Variants in RIMS2 observed in about 807,000 individuals in gnomAD.
RIMS2 encodes the protein regulating synaptic membrane exocytosis protein 2.
Under a neutral mutation model 174.4 loss-of-function variants are expected in RIMS2, and 59 were observed. The observed-to-expected ratio is 0.34, with a 90% CI of 0.27 to 0.42. The LOEUF (loss-of-function observed/expected upper bound fraction) is 0.42. Among genes scored for constraint, RIMS2 ranks in the 10% least tolerant of loss-of-function variants. The pLI, the probability that RIMS2 is intolerant of heterozygous loss-of-function variation, is 1.00. For missense variants in RIMS2, 1,620 were observed against 1,666.3 expected, an observed-to-expected ratio of 0.97 and a Z score of 0.48; for synonymous variants, 606 against 572.5, an observed-to-expected ratio of 1.06 and a Z score of -0.84.
intron 1 of RIMS2, among the ~76,000 whole-genome samples, chr8:103,630,991 G>A (rs1213008119): frequency 2.0e-5 from 3 of 152,002 alleles, no homozygotes; most frequent in Non-Finnish European, 4.4e-5. Context: ...TGTAAATTTG[G>A]TTAAGTTACT....
At chr8:104,201,955 G>A (rs2099057017) in intron 19 of RIMS2, among the ~76,000 whole-genome samples, 1 of 152,116 alleles carries the variant, frequency 6.6e-6, no homozygotes, top group Non-Finnish European at 1.5e-5. Flanking sequence ...TGAAATAAGA[G>A]TTGAAGTATG....
chr8:103,953,555 A>C (rs1270501365), intron 14 of RIMS2, among the ~76,000 whole-genome samples: 1 of 152,184 alleles, frequency 6.6e-6, no homozygotes, highest in Non-Finnish European at 1.5e-5. Flanking sequence ...AAATGCTGAG[A>C]GATTTTGTCA....
At chr8:104,029,856 T>C (rs1031091595) in intron 19 of RIMS2, among the ~76,000 whole-genome samples, 1 of 152,190 alleles carries the variant, frequency 6.6e-6, no homozygotes, top group African/African-American at 2.4e-5. Context: ...AAAATCTTTC[T>C]TAATTATTCG....
intron 19 of RIMS2, among the ~76,000 whole-genome samples, chr8:104,129,525 GGAA>G (rs1177947533): frequency 6.6e-6 from 1 of 152,204 alleles, no homozygotes; most frequent in African/African-American, 2.4e-5. Flanking sequence ...TAGCTTAAGT[GGAA>G]GAAGGAGGAA....
At chr8:104,055,381 C>G (rs1308716089) in intron 19 of RIMS2, among the ~76,000 whole-genome samples, 2 of 152,066 alleles carry the variant, frequency 1.3e-5, no homozygotes, top group Non-Finnish European at 2.9e-5. Flanking sequence ...ATACATGCTA[C>G]TCTGTTAATA....
intron 1 of RIMS2, among the ~76,000 whole-genome samples, chr8:103,557,726 A>G (rs375699918): frequency 1.3e-5 from 2 of 152,298 alleles, no homozygotes; most frequent in East Asian, 1.9e-4. Context: ...CTTTTCACTT[A>G]TAACTAACTG....
intron 19 of RIMS2, among the ~76,000 whole-genome samples, chr8:104,113,527 G>T (rs1018025269): frequency 1.3e-5 from 2 of 151,804 alleles, no homozygotes; most frequent in African/African-American, 4.8e-5. Flanking sequence ...TATATCTTAC[G>T]CATTTCTGTA....
At chr8:103,907,957 C>T (rs1402258254) in intron 4 of RIMS2, among the ~76,000 whole-genome samples, 2 of 151,392 alleles carry the variant, frequency 1.3e-5, no homozygotes, top group East Asian at 2.0e-4. Flanking sequence ...ACCGTGTTAG[C>T]CAGGATGGTC....
intron 3 of RIMS2, among the ~76,000 whole-genome samples, chr8:103,858,917 C>T (rs1224111696): frequency 6.6e-6 from 1 of 151,990 alleles, no homozygotes; most frequent in African/African-American, 2.4e-5. Flanking sequence ...GCTTGTCATT[C>T]ATTCATTTGT....
At chr8:103,644,783 C>G (rs1226846388) in intron 1 of RIMS2, among the ~76,000 whole-genome samples, 1 of 151,390 alleles carries the variant, frequency 6.6e-6, no homozygotes, top group Non-Finnish European at 1.5e-5. Context: ...GATGTTTTTA[C>G]AAAACCCAGT....
intron 2 of RIMS2, among the ~76,000 whole-genome samples, chr8:103,751,798 GT>G (rs980357648): frequency 6.6e-6 from 1 of 150,996 alleles, no homozygotes; most frequent in Admixed American, 6.6e-5. Flanking sequence ...GGGGTTGTTT[GT>G]TTTTTTCTTG....
At chr8:103,898,127 G>A (rs1383709020) in intron 4 of RIMS2, among the ~76,000 whole-genome samples, 1 of 151,582 alleles carries the variant, frequency 6.6e-6, no homozygotes, top group Non-Finnish European at 1.5e-5. Context: ...AATTTCTCTG[G>A]TGTTACAGGC....
At chr8:103,658,083 C>G (rs1209406527) in intron 1 of RIMS2, among the ~76,000 whole-genome samples, 2 of 152,152 alleles carry the variant, frequency 1.3e-5, no homozygotes, top group African/African-American at 4.8e-5. Context: ...TTTTACAAGA[C>G]TGAAGGTTAG....
intron 2 of RIMS2, among the ~76,000 whole-genome samples, chr8:103,731,725 T>C (rs951530872): frequency 6.6e-6 from 1 of 152,168 alleles, no homozygotes; most frequent in Non-Finnish European, 1.5e-5. Flanking sequence ...AATTTTGCCA[T>C]TAAGAGACTC....
intron 17 of RIMS2, among the ~76,000 whole-genome samples, chr8:104,003,439 A>G (rs1452632310): frequency 6.8e-6 from 1 of 146,766 alleles, no homozygotes; most frequent in East Asian, 2.0e-4. Context: ...TTTGCAATGG[A>G]GTCTCACTCT....
intron 2 of RIMS2, among the ~76,000 whole-genome samples, chr8:103,726,163 A>T (rs986882534): frequency 6.6e-6 from 1 of 152,174 alleles, no homozygotes; most frequent in Non-Finnish European, 1.5e-5. Flanking sequence ...TCCTTGACTT[A>T]TGATGGAGTT....
At chr8:103,820,431 C>A (rs1441347847) in intron 3 of RIMS2, among the ~76,000 whole-genome samples, 1 of 151,876 alleles carries the variant, frequency 6.6e-6, no homozygotes, top group Admixed American at 6.6e-5. Context: ...ATTCTGTGAA[C>A]ATGGCAATGC....
intron 19 of RIMS2, among the ~76,000 whole-genome samples, chr8:104,042,429 C>A (rs1031356377): frequency 6.6e-6 from 1 of 151,236 alleles, no homozygotes; most frequent in Non-Finnish European, 1.5e-5. Context: ...AAAGATGGAC[C>A]GGAGCAATAT....
At chr8:104,028,245 C>A (rs1198703808) in intron 19 of RIMS2, among the ~76,000 whole-genome samples, 1 of 151,984 alleles carries the variant, frequency 6.6e-6, no homozygotes, top group Non-Finnish European at 1.5e-5. Context: ...TGAAGACTAG[C>A]TAGAATATAA....
Sources: allele counts gnomAD v4.1 joint callset (sites outside exome capture counted in the v4.1 genomes callset), GRCh38; gene constraint gnomAD v4.1.1; transcripts MANE v1.5; gene names NCBI Gene and HGNC (gene_info 2026-07-23, HGNC 2026-07-21).